The following TENM3 variants were observed in gnomAD, a reference collection of about 807,000 sequenced individuals.
TENM3 encodes the protein teneurin-3.
A neutral mutation model predicts 255.1 loss-of-function variants in TENM3; 63 were observed. That is an observed-to-expected ratio of 0.25 (90% CI 0.20 to 0.30). The LOEUF (loss-of-function observed/expected upper bound fraction) is 0.30. Among genes scored for constraint, TENM3 ranks in the 10% least tolerant of loss-of-function variants. TENM3 has a pLI of 1.00. For synonymous variants in TENM3, 1,306 were observed against 1,322.3 expected, an observed-to-expected ratio of 0.99 and a Z score of 0.27; for missense variants, 2,929 against 3,461.1, an observed-to-expected ratio of 0.85 and a Z score of 3.86.
chr4:182,726,376 A>ATGGAAAAAACCTTAAAGGTTTTTG (rs11271130), intron 13 of TENM3, among the ~76,000 whole-genome samples: 1 of 151,988 alleles, frequency 6.6e-6, no homozygotes, highest in African/African-American at 2.4e-5. Context: ...AGCGCAGCTT[A>ATGGAAAAAACCTTAAAGGTTTTTG]TGTCTGTGTC....
the TENM3 span, among the ~76,000 whole-genome samples, chr4:182,137,342 C>CCG: frequency 2.6e-5 from 4 of 151,688 alleles, no homozygotes; most frequent in African/African-American, 9.7e-5. Context: ...CTCCCCCCCC[C>CCG]CAAAAAGGAA....
chr4:181,983,063 A>G, the TENM3 span, among the ~76,000 whole-genome samples: 4 of 152,182 alleles, frequency 2.6e-5, no homozygotes, highest in Admixed American at 2.0e-4. Context: ...GCGTGCCAGA[A>G]TACTTGAATG....
the TENM3 span, among the ~76,000 whole-genome samples, chr4:182,129,075 G>A: frequency 5.3e-5 from 8 of 152,212 alleles, no homozygotes; most frequent in African/African-American, 7.2e-5. Context: ...GGGAAAAGGC[G>A]GGAATAGGGT....
rs541117601 is a variant in TENM3, at chr4:182,411,995, A to AGTTTG, written c.511+65067_511+65071dup. Among the ~76,000 whole-genome samples the AGTTTG allele has an allele frequency of 2.4e-3, 373 of 152,318 alleles. 1 individual carries two copies. The highest frequency in any genetic ancestry group is 8.6e-3 in the African/African-American group (359 of 41,564). On this transcript the variant is annotated intron_variant, in intron 3 of 27. Transcript: ENST00000511685. ...TGGGTAGAGAAACAGAAGCAGGTAG[A>AGTTTG]GTTTGCTTCCTACAGGATGATGAGG...
intron 1 of TENM3, among the ~76,000 whole-genome samples, chr4:182,182,501 A>T (rs141367457): frequency 1.3e-5 from 2 of 152,266 alleles, no homozygotes; most frequent in Non-Finnish European, 2.9e-5. Flanking sequence ...GTCACCTTGG[A>T]ATGGTTCTGA....
chr4:182,401,084 A>T (rs1769188556), intron 3 of TENM3, among the ~76,000 whole-genome samples: 2 of 152,236 alleles, frequency 1.3e-5, no homozygotes, highest in South Asian at 4.1e-4. Context: ...CTGGACTCAG[A>T]ATACATTAAC....
chr4:181,603,186 A>G, the TENM3 span, among the ~76,000 whole-genome samples: 2 of 152,286 alleles, frequency 1.3e-5, no homozygotes, highest in South Asian at 4.1e-4. Context: ...TCATTTACTG[A>G]CTCTATATGA....
intron 23 of TENM3, among the ~76,000 whole-genome samples, chr4:182,774,207 T>C (rs959815752): frequency 6.6e-6 from 1 of 152,224 alleles, no homozygotes; most frequent in East Asian, 1.9e-4. Flanking sequence ...ATGACATTTG[T>C]AATTGTGAGT....
At chr4:181,772,512 T>A in the TENM3 span, among the ~76,000 whole-genome samples, 1 of 152,206 alleles carries the variant, frequency 6.6e-6, no homozygotes, top group African/African-American at 2.4e-5. Context: ...AGCTAATACT[T>A]TGATTTTAAA....
At chr4:181,725,066 G>A in the TENM3 span, among the ~76,000 whole-genome samples, 4 of 152,194 alleles carry the variant, frequency 2.6e-5, no homozygotes, top group Admixed American at 1.3e-4. Context: ...ACCCTCCAGA[G>A]AGTAAACCTC....
At chr4:182,526,065 T>C (rs770418358) in intron 3 of TENM3, among the ~76,000 whole-genome samples, 2 of 152,158 alleles carry the variant, frequency 1.3e-5, no homozygotes, top group South Asian at 2.1e-4. Context: ...CTGCAAGCTC[T>C]GCCTCGCAGG....
At chr4:182,474,081 A>T (rs1344359360) in intron 3 of TENM3, among the ~76,000 whole-genome samples, 1 of 152,130 alleles carries the variant, frequency 6.6e-6, no homozygotes, top group Non-Finnish European at 1.5e-5. Context: ...GCATTGCCTC[A>T]TGGTAAGTTT....
At chr4:182,595,609 T>C (rs918795248) in intron 3 of TENM3, among the ~76,000 whole-genome samples, 2 of 152,178 alleles carry the variant, frequency 1.3e-5, no homozygotes, top group African/African-American at 2.4e-5. Flanking sequence ...ATTGAAGTTA[T>C]ATGAGCAGTG....
At chr4:181,890,212 G>A in the TENM3 span, among the ~76,000 whole-genome samples, 1 of 152,170 alleles carries the variant, frequency 6.6e-6, no homozygotes, top group Non-Finnish European at 1.5e-5. Context: ...ATTAATGCAA[G>A]ACATCAGCCA....
At chr4:182,365,772 G>C (rs527571374) in intron 3 of TENM3, among the ~76,000 whole-genome samples, 2 of 152,140 alleles carry the variant, frequency 1.3e-5, no homozygotes, top group African/African-American at 4.8e-5. Context: ...GAAATGCATC[G>C]TTGGACAATT....
intron 4 of TENM3, among the ~76,000 whole-genome samples, chr4:182,610,943 CATT>C (rs1254790467): frequency 6.7e-6 from 1 of 148,960 alleles, no homozygotes; most frequent in Non-Finnish European, 1.5e-5. Context: ...CAGGGTGTCT[CATT>C]ATGTTGAACA....
intron 1 of TENM3, among the ~76,000 whole-genome samples, chr4:182,161,480 G>C (rs561461692): frequency 2.8e-4 from 40 of 144,924 alleles, no homozygotes; most frequent in African/African-American, 1.0e-3. Flanking sequence ...CCAACTACTC[G>C]GGATGCTGAG....
intron 3 of TENM3, among the ~76,000 whole-genome samples, chr4:182,574,727 A>G: frequency 6.6e-6 from 1 of 152,030 alleles, no homozygotes; most frequent in Admixed American, 6.6e-5. Context: ...TATTGTCTCA[A>G]ACTCTCCCTC....
At chr4:181,694,910 G>C in the TENM3 span, among the ~76,000 whole-genome samples, 1 of 152,116 alleles carries the variant, frequency 6.6e-6, no homozygotes, top group African/African-American at 2.4e-5. Context: ...TTGCCTCTCT[G>C]TCACCTTAAC....
Sources: allele counts gnomAD v4.1 joint callset (sites outside exome capture counted in the v4.1 genomes callset), GRCh38; gene constraint gnomAD v4.1.1; transcripts MANE v1.5; gene names NCBI Gene and HGNC (gene_info 2026-07-23, HGNC 2026-07-21).